KCNAB1: variants seen among roughly 807,000 people sequenced by gnomAD.
KCNAB1 encodes voltage-gated potassium channel subunit beta-1.
KCNAB1 carries 35 observed loss-of-function variants against 64.6 expected under a neutral mutation model. The observed-to-expected ratio is 0.54, with a 90% confidence interval of 0.41 to 0.72. The LOEUF is 0.72. KCNAB1 is among the 30% of genes least tolerant of loss of function. KCNAB1 has a pLI of 0.00. For synonymous variants in KCNAB1, 177 were observed against 183.8 expected, an observed-to-expected ratio of 0.96 and a Z score of 0.30; for missense variants, 401 against 512.9, an observed-to-expected ratio of 0.78 and a Z score of 2.11.
intron 6 of KCNAB1, 90 bp from the exon 7 acceptor site, chr3:156,465,553 G>T: frequency 8.7e-7 from 1 of 1,144,394 alleles, no homozygotes. Flanking sequence ...GATAAGAACA[G>T]GGTGCAAAAT....
intron 1 of KCNAB1, among the ~76,000 whole-genome samples, chr3:156,182,409 A>T (rs114299293): frequency 6.6e-6 from 1 of 152,208 alleles, no homozygotes; most frequent in Admixed American, 6.5e-5. Context: ...CTTTACATGC[A>T]TATGTGCAAA....
intron 1 of KCNAB1, among the ~76,000 whole-genome samples, chr3:156,373,231 C>A (rs1410030614): frequency 6.6e-6 from 1 of 152,144 alleles, no homozygotes; most frequent in African/African-American, 2.4e-5. Flanking sequence ...CAGGGCAAAT[C>A]CACAAAGCAA....
intron 8 of KCNAB1, among the ~76,000 whole-genome samples, chr3:156,493,656 G>A (rs1715801892): frequency 6.6e-6 from 1 of 152,110 alleles, no homozygotes; most frequent in African/African-American, 2.4e-5. Flanking sequence ...TTCTGGCCAA[G>A]ATCACACGTT....
chr3:156,278,851 C>T (rs1719512305), intron 1 of KCNAB1, among the ~76,000 whole-genome samples: 2 of 152,032 alleles, frequency 1.3e-5, no homozygotes, highest in Non-Finnish European at 2.9e-5. Context: ...CAAAGGATGG[C>T]TGGGTGGAAA....
At chr3:156,308,332 GGTGA>G in intron 1 of KCNAB1, among the ~76,000 whole-genome samples, 2 of 152,288 alleles carry the variant, frequency 1.3e-5, no homozygotes, top group African/African-American at 4.8e-5. Context: ...TTTTATTCTG[GGTGA>G]GTGAGATGGA....
At chr3:156,127,884 G>GTGTGTGTGT (rs1553805265) in intron 1 of KCNAB1, among the ~76,000 whole-genome samples, 2 of 147,556 alleles carry the variant, frequency 1.4e-5, no homozygotes, top group Non-Finnish European at 3.0e-5. Flanking sequence ...CTTCATTTGG[G>GTGTGTGTGT]GTGTGTGTGT....
At chr3:156,446,242 G>A (rs1480999591) in intron 2 of KCNAB1, 1 of 152,200 alleles carries the variant, frequency 6.6e-6, no homozygotes. Context: ...CAACAGCTTA[G>A]GGCTCCCTCC....
chr3:156,345,267 G>A (rs1018141448), intron 1 of KCNAB1, among the ~76,000 whole-genome samples: 1 of 152,084 alleles, frequency 6.6e-6, no homozygotes, highest in Non-Finnish European at 1.5e-5. Context: ...TTAAATTATG[G>A]TCTTAGATTC....
intron 1 of KCNAB1, among the ~76,000 whole-genome samples, chr3:156,192,809 C>G (rs1175240108): frequency 6.6e-6 from 1 of 151,960 alleles, no homozygotes; most frequent in African/African-American, 2.4e-5. Flanking sequence ...GCTAATCTGG[C>G]TTTCTTTAGA....
At chr3:156,188,620 T>A (rs1038976748) in intron 1 of KCNAB1, among the ~76,000 whole-genome samples, 8 of 152,256 alleles carry the variant, frequency 5.3e-5, no homozygotes, top group African/African-American at 1.9e-4. Context: ...CAGACTTTCC[T>A]ATGCTTCTAC....
intron 1 of KCNAB1, among the ~76,000 whole-genome samples, chr3:156,272,899 G>A (rs1719117664): frequency 6.6e-6 from 1 of 151,996 alleles, no homozygotes; most frequent in African/African-American, 2.4e-5. Flanking sequence ...GATTATTCAG[G>A]GTTCAAGGAC....
chr3:156,122,039 C>A (rs1247450839), intron 1 of KCNAB1, among the ~76,000 whole-genome samples: 1 of 152,138 alleles, frequency 6.6e-6, no homozygotes, highest in African/African-American at 2.4e-5. Context: ...ATTCAAAAAT[C>A]AACATTTAAA....
intron 1 of KCNAB1, among the ~76,000 whole-genome samples, chr3:156,356,557 G>A (rs571951663): frequency 3.3e-5 from 5 of 152,046 alleles, no homozygotes; most frequent in African/African-American, 1.2e-4. Context: ...TCCTCACTAC[G>A]TTTTGTAAAC....
At chr3:156,164,360 G>C (rs563502449) in intron 1 of KCNAB1, among the ~76,000 whole-genome samples, 2 of 152,150 alleles carry the variant, frequency 1.3e-5, no homozygotes, top group Non-Finnish European at 2.9e-5. Flanking sequence ...CAATGAGGCC[G>C]CTCTCTTGAG....
Position 156,529,173 on chromosome 3 carries a change from C to T in KCNAB1, c.1082-2236C>T, listed in dbSNP as rs773768311. 3.9e-5 allele frequency among the ~76,000 whole-genome samples: 6 copies of T among 152,090 alleles called. No homozygotes were observed. In the South Asian group the frequency reaches 6.2e-4, roughly 16 times the overall value. On this transcript the variant is annotated intron_variant, in intron 12 of 13. Coordinates refer to ENST00000490337, the MANE Select transcript of KCNAB1 (RefSeq NM_172160.3). ...TTTAGCAACAAAAAGAAATGGTATA[C>T]GGGTACATAGTGCAACACGGAAAAA...
intron 8 of KCNAB1, among the ~76,000 whole-genome samples, chr3:156,489,326 AG>A (rs1715453324): frequency 6.6e-6 from 1 of 152,182 alleles, no homozygotes; most frequent in African/African-American, 2.4e-5. Context: ...TGTTCAAGAA[AG>A]AAATAAAGAA....
At chr3:156,405,213 C>T (rs1310866681) in intron 1 of KCNAB1, among the ~76,000 whole-genome samples, 1 of 152,210 alleles carries the variant, frequency 6.6e-6, no homozygotes, top group African/African-American at 2.4e-5. Flanking sequence ...ATCCATTTGT[C>T]CAAACCCTGA....
rs74812415 is a variant in KCNAB1 at position 156,393,596 on chromosome 3, G to A, written c.276-28020G>A. Among the ~76,000 whole-genome samples, 59 of 152,194 alleles carry A rather than the reference G, an allele frequency of 3.9e-4. No individual in the cohort carries two copies. The East Asian group carries it at 8.5e-3, about 22-fold the overall frequency. ...AACCTATAGGGCAGGCTTTTTCAACGTGAGAGTCCTGCTTCCTATGCTACT... is the reference window on the plus strand; with the variant it reads ...AACCTATAGGGCAGGCTTTTTCAACATGAGAGTCCTGCTTCCTATGCTACT... On this transcript the variant is annotated intron_variant, in intron 1 of 13. Coordinates refer to ENST00000490337, the MANE Select transcript of KCNAB1 (RefSeq NM_172160.3).
At chr3:156,494,908 A>T (rs778101382) in intron 8 of KCNAB1, among the ~76,000 whole-genome samples, 3 of 152,068 alleles carry the variant, frequency 2.0e-5, no homozygotes, top group Non-Finnish European at 2.9e-5. Flanking sequence ...TGTAGGATGT[A>T]CAGGTTTGTT....
Sources: gnomAD v4.1 joint callset for allele counts (sites outside exome capture counted in the v4.1 genomes callset) on GRCh38, gnomAD v4.1.1 for gene constraint, MANE v1.5 for transcripts, NCBI Gene and HGNC (gene_info 2026-07-23, HGNC 2026-07-21) for gene names.